Variants in WARS1 observed in about 807,000 individuals in gnomAD.
The protein encoded by WARS1 is tryptophan--tRNA ligase, cytoplasmic.
Under a neutral mutation model 47.8 loss-of-function variants are expected in WARS1, and 17 were observed. The observed-to-expected ratio is 0.36, with a 90% CI of 0.24 to 0.53. The LOEUF (loss-of-function observed/expected upper bound fraction) is 0.53, where lower values mean the gene tolerates loss of function less well. Ranked by LOEUF, WARS1 falls within the 20% of genes least tolerant of loss-of-function variation. WARS1 has a pLI of 0.91. For synonymous variants in WARS1, 208 were observed against 228.1 expected (o/e 0.91, Z 0.79); for missense variants, 434 against 608.0 (o/e 0.71, Z 3.01).
At chr14:100,371,268 T>A (rs1469802661) in intron 1 of WARS1, among the ~76,000 whole-genome samples, 3 of 150,202 alleles carry the variant, frequency 2.0e-5, no homozygotes, top group Non-Finnish European at 3.0e-5. Flanking sequence ...GCCAACATGG[T>A]GAAACCCCGT....
At position 100,357,514 on chromosome 14, in the gene WARS1, T is replaced by G. The variant is rs1025829719; in HGVS notation, c.423-2948A>C. Among the ~76,000 whole-genome samples the G allele has an allele frequency of 2.0e-5, 3 of 151,490 alleles. No individual in the cohort carries two copies. In the South Asian group the frequency reaches 6.3e-4, roughly 32 times the overall value. Reference sequence around the variant, plus strand: ...TTTGCTCTTTTTGCCCGGGCTGGAGTGCAATGGCACGATCTCGGGTCACTG... The same window carrying G: ...TTTGCTCTTTTTGCCCGGGCTGGAGGGCAATGGCACGATCTCGGGTCACTG... On this transcript the variant is annotated intron_variant, in intron 4 of 10. Coordinates refer to ENST00000392882, the MANE Select transcript of WARS1 (RefSeq NM_004184.4).
intron 4 of WARS1, among the ~76,000 whole-genome samples, chr14:100,357,557 G>T (rs975901184): frequency 6.6e-6 from 1 of 151,980 alleles, no homozygotes; most frequent in Admixed American, 6.6e-5. Context: ...TGCCTCCTGG[G>T]TTCAAGTGAT....
intron 6 of WARS1, among the ~76,000 whole-genome samples, chr14:100,350,291 C>T (rs1279876279): frequency 1.4e-5 from 2 of 147,046 alleles, no homozygotes; most frequent in African/African-American, 2.5e-5. Flanking sequence ...ACTCAGGAGG[C>T]TGAGGCATGA....
At position 100,337,114 on chromosome 14, in the gene WARS1, A is replaced by T. The variant is rs1036427682; in HGVS notation, c.1202T>A (p.Met401Lys). 1.2e-6 allele frequency: 2 copies of T among 1,614,206 alleles called. No individual in the cohort carries two copies. Among genetic ancestry groups the T allele is most frequent in the African/African-American group, 1.3e-5 (1 of 75,076 alleles). ...GGNCDVDVSF[M>K]YLTFFLEDDD... is the part of the protein sequence containing the mutation. The stretch of plus-strand genomic sequence containing the variant: ...GTCCTCGAGGAAGAAGGTCAGGTAC[A>T]TGAAAGACACGTCCACATCACAGTT... The change falls in exon 10 of 11, where the codon ATG becomes AAG. Residue 401 changes from methionine to lysine, a missense_variant. Coordinates refer to ENST00000392882, the MANE Select transcript of WARS1 (RefSeq NM_004184.4).
At chr14:100,344,255 G>A (rs1057157566) in intron 7 of WARS1, among the ~76,000 whole-genome samples, 27 of 152,154 alleles carry the variant, frequency 1.8e-4, no homozygotes, top group African/African-American at 5.3e-4. Context: ...ACTGGTTTTC[G>A]GATTTTTTTG....
At chr14:100,344,983 C>T (rs1449642817) in intron 7 of WARS1, among the ~76,000 whole-genome samples, 6 of 151,580 alleles carry the variant, frequency 4.0e-5, no homozygotes, top group South Asian at 2.1e-4. Context: ...CCAGCCGCCC[C>T]GTCCGGGAGG....
At chr14:100,362,204 C>G (rs1345677609) in intron 2 of WARS1, among the ~76,000 whole-genome samples, 1 of 152,170 alleles carries the variant, frequency 6.6e-6, no homozygotes, top group Admixed American at 6.5e-5. Flanking sequence ...CACTTTGGGA[C>G]AGTAGCAGTG....
chr14:100,354,898 G>T (rs183022591), intron 4 of WARS1, among the ~76,000 whole-genome samples: 9 of 152,136 alleles, frequency 5.9e-5, no homozygotes, highest in African/African-American at 2.2e-4. Context: ...GGGGATACCA[G>T]GCCAACACCA....
chr14:100,345,962 G>C (rs931035127), intron 7 of WARS1, among the ~76,000 whole-genome samples: 2 of 152,214 alleles, frequency 1.3e-5, no homozygotes, highest in Non-Finnish European at 2.9e-5. Flanking sequence ...CTCCAAGCAG[G>C]GTGAACGCTC....
intron 9 of WARS1, among the ~76,000 whole-genome samples, chr14:100,339,324 G>A (rs1048784589): frequency 1.3e-5 from 2 of 152,144 alleles, no homozygotes; most frequent in South Asian, 2.1e-4. Context: ...TGGCGCAGTG[G>A]CTCACGCCTG....
Position 100,334,524 on chromosome 14 carries a change from T to G in WARS1, c.*351A>C, listed in dbSNP as rs995758218. ...TTTTAAACAGAGTGGGTCTTAAGAG[T>G]ATACTTGGAACCCTCGGAGTCCTCC... On this transcript the variant is annotated 3_prime_UTR_variant, in exon 11 of 11. Coordinates refer to ENST00000392882, the MANE Select transcript of WARS1 (RefSeq NM_004184.4). 2 of 190,384 alleles carry G rather than the reference T, an allele frequency of 1.1e-5. No homozygotes were observed. Among genetic ancestry groups the G allele is most frequent in the Non-Finnish European group, 2.2e-5 (2 of 92,336 alleles). 11.8% of individuals were successfully genotyped at this position (190,384 alleles called of 1,614,324 possible). A position where few individuals can be genotyped will look rare whatever the true frequency, so the allele number is the denominator to read the frequency against.
chr14:100,338,776 A>C (rs114157810), intron 9 of WARS1, among the ~76,000 whole-genome samples: 1,689 of 151,848 alleles, frequency 0.011, 32 homozygotes, highest in African/African-American at 0.038. Flanking sequence ...AGAGTCAATA[A>C]ATTCTAAGTT....
At chr14:100,359,283 A>C (rs1895516020) in intron 4 of WARS1, among the ~76,000 whole-genome samples, 1 of 152,264 alleles carries the variant, frequency 6.6e-6, no homozygotes, top group Admixed American at 6.5e-5. Flanking sequence ...TCAACTAATG[A>C]ATGAATAAAC....
intron 7 of WARS1, among the ~76,000 whole-genome samples, chr14:100,344,320 A>C (rs993301741): frequency 1.3e-5 from 2 of 152,074 alleles, no homozygotes; most frequent in Non-Finnish European, 2.9e-5. Context: ...CCTAACCGCG[A>C]GTGATCAGCC....
chr14:100,353,747 A>G lies in WARS1; in HGVS notation c.665T>C (p.Ile222Thr). The G allele has an allele frequency of 6.2e-7, 1 of 1,614,168 alleles. No individual in the cohort carries two copies. Residue 222 changes from isoleucine to threonine, a missense_variant, in exon 6 of 11, where the codon ATC (isoleucine) becomes ACC (threonine). Physicochemically the swap from Ile to Thr is moderately conservative, Grantham distance 89. Around this residue, in one of 2 missense-constraint regions of WARS1, gnomAD observed 347 missense variants for 523.8 expected, o/e 0.66. Coordinates refer to ENST00000392882, the MANE Select transcript of WARS1 (RefSeq NM_004184.4). ...YSYAVENAKD[I>T]IACGFDINKT... The stretch of plus-strand genomic sequence containing the variant: ...GTTGATGTCAAAGCCACAGGCGATG[A>G]TGTCCTTGGCATTCTCCACAGCATA...
intron 2 of WARS1, among the ~76,000 whole-genome samples, chr14:100,365,207 C>T (rs1413570662): frequency 6.6e-6 from 1 of 151,268 alleles, no homozygotes; most frequent in Non-Finnish European, 1.5e-5. Flanking sequence ...AAGTAAACTA[C>T]TGGGGAATGT....
At chr14:100,350,558 T>G (rs1430139674) in intron 6 of WARS1, among the ~76,000 whole-genome samples, 3 of 152,132 alleles carry the variant, frequency 2.0e-5, no homozygotes, top group Non-Finnish European at 4.4e-5. Flanking sequence ...TCTTTTCACA[T>G]GGACTGTTCA....
At chr14:100,337,822 C>T (rs933274149) in intron 9 of WARS1, among the ~76,000 whole-genome samples, 1 of 152,012 alleles carries the variant, frequency 6.6e-6, no homozygotes, top group African/African-American at 2.4e-5. Context: ...TGCATCACTG[C>T]ACGCCAGCCT....
intron 1 of WARS1, chr14:100,374,839 AC>A (rs1428648978): frequency 6.6e-6 from 1 of 152,094 alleles, no homozygotes; most frequent in Non-Finnish European, 1.5e-5. Context: ...ATTTCTTGAC[AC>A]CTTTTGGGAC....
Sources: gnomAD v4.1 joint callset for allele counts (sites outside exome capture counted in the v4.1 genomes callset) on GRCh38, gnomAD v4.1.1 for gene constraint, gnomAD v4.1.1 regional missense constraint, MANE v1.5 for transcripts, NCBI Gene and HGNC (gene_info 2026-07-23, HGNC 2026-07-21) for gene names.